AR: variants seen among roughly 807,000 people sequenced by gnomAD.
AR encodes the protein androgen receptor.
Under a neutral mutation model 53.9 loss-of-function variants are expected in AR, and 8 were observed. That is an observed-to-expected ratio of 0.15 (90% CI 0.09 to 0.27). The LOEUF (loss-of-function observed/expected upper bound fraction) is 0.27. Ranked by LOEUF, AR falls within the 10% of genes least tolerant of loss-of-function variation. The pLI, the probability that AR is intolerant of heterozygous loss-of-function variation, is 1.00. For missense variants in AR, 639 were observed against 742.5 expected (o/e 0.86, Z 1.62); for synonymous variants, 359 against 316.4 (o/e 1.13, Z -1.43).
chrX:67,588,203 C>T lies in AR; in HGVS notation c.1616+41441C>T, dbSNP rs149738754. ...GCCCATGTGTGTGTCATGCATTGTA[C>T]TGCTTCTTGTACCCAAATCCATCTC... is the stretch of plus-strand genomic sequence containing the variant. On this transcript the variant is annotated intron_variant, in intron 1 of 7. Transcript: ENST00000374690. Among the ~76,000 whole-genome samples, 120 of 112,032 alleles carry T rather than the reference C, an allele frequency of 1.1e-3. 1 individual carries two copies. The East Asian group carries it at 0.033, about 30-fold the overall frequency.
chrX:67,601,848 C>T (rs566932837), intron 1 of AR, among the ~76,000 whole-genome samples: 1 of 111,560 alleles, frequency 9.0e-6, no homozygotes, highest in Middle Eastern at 4.7e-3. Context: ...TAATTCAGTC[C>T]ACCACACCCC....
chrX:67,674,179 TTCTC>T (rs1306417766), intron 2 of AR, among the ~76,000 whole-genome samples: 1 of 103,602 alleles, frequency 9.7e-6, no homozygotes, highest in South Asian at 4.4e-4. Flanking sequence ...CTCTCTCTCT[TTCTC>T]TCTCTCTCTC....
At position 67,545,609 on chromosome X, in the gene AR, G is replaced by C. The variant is rs764126853; in HGVS notation, c.463G>C (p.Glu155Gln). The C allele has an allele frequency of 1.7e-6, 2 of 1,189,543 alleles. No individual in the cohort carries two copies. The highest frequency in any genetic ancestry group is 3.1e-5 in the East Asian group (1 of 32,677). Residue 155 changes from glutamate to glutamine, a missense_variant, in exon 1 of 8, where the codon GAG becomes CAG. Physicochemically the swap from Glu to Gln is conservative, Grantham distance 29. Around this residue, in one of 5 missense-constraint regions of AR, gnomAD observed 423 missense variants for 377.0 expected, o/e 1.12. Coordinates refer to ENST00000374690, the MANE Select transcript of AR (RefSeq NM_000044.6). ...GCAGCAGCTGCCAGCACCTCCGGAC[G>C]AGGATGACTCAGCTGCCCCATCCAC... ...LPQQLPAPPD[E>Q]DDSAAPSTLS...
chrX:67,569,561 C>G (rs1342741688), intron 1 of AR, among the ~76,000 whole-genome samples: 1 of 111,658 alleles, frequency 9.0e-6, no homozygotes. Context: ...GTGCTCGTAT[C>G]TCTGTGTAAT....
intron 2 of AR, among the ~76,000 whole-genome samples, chrX:67,681,233 C>G (rs2075932016): frequency 9.0e-6 from 1 of 111,192 alleles, no homozygotes; most frequent in African/African-American, 3.3e-5. Context: ...TTTGTAATAT[C>G]TGAGGAGGGG....
intron 1 of AR, among the ~76,000 whole-genome samples, chrX:67,591,450 T>C (rs1034563629): frequency 8.9e-6 from 1 of 111,777 alleles, no homozygotes; most frequent in Admixed American, 9.5e-5. Flanking sequence ...AATAAAGTAC[T>C]CCTTTCAACT....
chrX:67,674,640 G>A (rs192573738), intron 2 of AR, among the ~76,000 whole-genome samples: 1 of 111,476 alleles, frequency 9.0e-6, no homozygotes, highest in East Asian at 2.9e-4. Flanking sequence ...AGGCCCAGGG[G>A]TTCTTTAGTT....
In AR at chrX:67,688,344, C is replaced by T. The variant is rs912136314; in HGVS notation, c.1885+2218C>T. On this transcript the variant is annotated intron_variant, in intron 3 of 7. Transcript: ENST00000374690. ...GTGCCCCTCTGAGCCTCAATTTCCT[C>T]ATCTCTGATTTAGAAATACCATCCT... Among the ~76,000 whole-genome samples the T allele has an allele frequency of 2.7e-5, 3 of 111,691 alleles. No homozygotes were observed. In the South Asian group the frequency reaches 1.1e-3, roughly 42 times the overall value.
At chrX:67,679,443 C>A (rs947905802) in intron 2 of AR, among the ~76,000 whole-genome samples, 1 of 111,576 alleles carries the variant, frequency 9.0e-6, no homozygotes, top group Middle Eastern at 4.4e-3. Flanking sequence ...CCAACTTTTT[C>A]TATTTAAATA....
chrX:67,580,316 G>A (rs1482747578), intron 1 of AR, among the ~76,000 whole-genome samples: 1 of 111,058 alleles, frequency 9.0e-6, no homozygotes, highest in Non-Finnish European at 1.9e-5. Flanking sequence ...CAATTATATT[G>A]CACATAATAA....
Position 67,646,129 on chromosome X carries a change from G to T in AR, c.1768+2722G>T, listed in dbSNP as rs1024755314. 5.4e-5 allele frequency among the ~76,000 whole-genome samples: 6 copies of T among 111,885 alleles called. No homozygotes were observed. The East Asian group carries it at 1.1e-3, about 21-fold the overall frequency. On this transcript the variant is annotated intron_variant, in intron 2 of 7. Coordinates refer to ENST00000374690, the MANE Select transcript of AR (RefSeq NM_000044.6). ...TTCATAAATCTCTGGAATGGGCATA[G>T]GTACAGGACTTAAAAGCCTGGCATC...
chrX:67,611,050 A>G (rs1381329740), intron 1 of AR, among the ~76,000 whole-genome samples: 3 of 111,833 alleles, frequency 2.7e-5, no homozygotes, highest in African/African-American at 9.7e-5. Context: ...AGTTATTTTT[A>G]GATTAAGTAG....
At chrX:67,669,560 T>C (rs1321148703) in intron 2 of AR, among the ~76,000 whole-genome samples, 1 of 112,067 alleles carries the variant, frequency 8.9e-6, no homozygotes, top group Non-Finnish European at 1.9e-5. Context: ...TAGGTCCATT[T>C]AAGACATAAT....
At position 67,546,332 on chromosome X, in the gene AR, G is replaced by T; in HGVS notation, c.1186G>T (p.Gly396Cys). Residue 396 changes from glycine (G) to cysteine (C), a missense_variant, in exon 1 of 8, where the codon GGC (glycine) becomes TGC (cysteine). This residue lies in a region of AR where 423 missense variants were observed against 377.0 expected (regional missense o/e 1.12). Coordinates refer to ENST00000374690, the MANE Select transcript of AR (RefSeq NM_000044.6). ...CAAGCTGGAGAACCCGCTGGACTAC[G>T]GCAGCGCCTGGGCGGCTGCGGCGGC... is the stretch of plus-strand genomic sequence containing the variant. ...RIKLENPLDY[G>C]SAWAAAAAQC... The T allele has an allele frequency of 8.4e-7, 1 of 1,192,769 alleles. No homozygotes were observed. Among genetic ancestry groups the T allele is most frequent in the Non-Finnish European group, 1.1e-6 (1 of 886,694 alleles).
At chrX:67,672,132 G>A (rs1287325962) in intron 2 of AR, among the ~76,000 whole-genome samples, 3 of 111,041 alleles carry the variant, frequency 2.7e-5, no homozygotes, top group Non-Finnish European at 3.8e-5. Context: ...CCACCCCCAC[G>A]GAGTCCTCAA....
intron 1 of AR, among the ~76,000 whole-genome samples, chrX:67,586,218 C>G (rs1189275203): frequency 8.9e-6 from 1 of 111,865 alleles, no homozygotes; most frequent in Non-Finnish European, 1.9e-5. Context: ...CTTCCACCTC[C>G]ATATAAGACC....
chrX:67,644,332 C>A (rs1405105606), intron 2 of AR, among the ~76,000 whole-genome samples: 1 of 111,623 alleles, frequency 9.0e-6, no homozygotes, highest in Non-Finnish European at 1.9e-5. Context: ...TGGGACCAGA[C>A]CCCTTGTTAA....
chrX:67,619,926 G>T (rs1265761007), intron 1 of AR, among the ~76,000 whole-genome samples: 1 of 110,613 alleles, frequency 9.0e-6, no homozygotes, highest in Non-Finnish European at 1.9e-5. Flanking sequence ...CTAATACCTT[G>T]CCTTGTTTTG....
intron 4 of AR, among the ~76,000 whole-genome samples, chrX:67,713,686 T>C (rs923245911): frequency 8.9e-6 from 1 of 112,283 alleles, no homozygotes; most frequent in Non-Finnish European, 1.9e-5. Context: ...TTCGGGTTTC[T>C]AAATTGGTTA....
Sources: gnomAD v4.1 joint callset for allele counts (sites outside exome capture counted in the v4.1 genomes callset) on GRCh38, gnomAD v4.1.1 for gene constraint, gnomAD v4.1.1 regional missense constraint, MANE v1.5 for transcripts, NCBI Gene and HGNC (gene_info 2026-07-23, HGNC 2026-07-21) for gene names.